The following KPNA1 variants were observed in gnomAD, a reference collection of about 807,000 sequenced individuals.
KPNA1 encodes the protein karyopherin subunit alpha 1, also known as importin subunit alpha-5.
A neutral mutation model predicts 70.5 loss-of-function variants in KPNA1; 10 were observed. The ratio of observed to expected loss-of-function variants is 0.14; its 90% confidence interval spans 0.09 to 0.24. The LOEUF is 0.24. Among genes scored for constraint, KPNA1 ranks in the 10% least tolerant of loss-of-function variants. The pLI, the probability that KPNA1 is intolerant of heterozygous loss-of-function variation, is 1.00. For synonymous variants in KPNA1, 192 were observed against 221.9 expected (o/e 0.87, Z 1.20); for missense variants, 397 against 637.9 (o/e 0.62, Z 4.07).
intron 1 of KPNA1, among the ~76,000 whole-genome samples, chr3:122,502,155 G>C (rs561009507): frequency 2.9e-4 from 44 of 152,244 alleles, no homozygotes; most frequent in Non-Finnish European, 4.4e-5. Flanking sequence ...GGAATCAGAA[G>C]GCTCACAGAG....
At chr3:122,443,616 A>G (rs1240397336) in intron 9 of KPNA1, among the ~76,000 whole-genome samples, 1 of 152,198 alleles carries the variant, frequency 6.6e-6, no homozygotes, top group Non-Finnish European at 1.5e-5. Flanking sequence ...ATAAAGAGAA[A>G]GAGTACAAAA....
intron 1 of KPNA1, among the ~76,000 whole-genome samples, chr3:122,510,432 C>G (rs2076942394): frequency 1.3e-5 from 2 of 152,012 alleles, no homozygotes; most frequent in Admixed American, 1.3e-4. Flanking sequence ...AAGCAAACAA[C>G]AACAAAAAAT....
At chr3:122,483,907 T>C (rs1339238144) in intron 2 of KPNA1, among the ~76,000 whole-genome samples, 1 of 152,222 alleles carries the variant, frequency 6.6e-6, no homozygotes, top group African/African-American at 2.4e-5. Context: ...AATGGCAATA[T>C]GGAATCACAG....
In KPNA1 at chr3:122,449,682, A is replaced by AC; in HGVS notation, c.808dup (p.Val270GlyfsTer4). 6.2e-7 allele frequency: 1 copy of AC among 1,613,894 alleles called. No individual in the cohort carries two copies. The highest frequency in any genetic ancestry group is 8.5e-7 in the Non-Finnish European group (1 of 1,179,870). ...GAGGGCCCAGCAGGCATCAGCCAGT[A>AC]CATCAGTGTCACTGACAAACAGCAA... On this transcript the variant is annotated frameshift_variant, in exon 9 of 14. Coordinates refer to ENST00000344337, the MANE Select transcript of KPNA1 (RefSeq NM_002264.4). LOFTEE classifies it high-confidence loss of function.
chr3:122,491,299 G>C (rs2076695264), intron 2 of KPNA1, among the ~76,000 whole-genome samples: 1 of 152,102 alleles, frequency 6.6e-6, no homozygotes, highest in Non-Finnish European at 1.5e-5. Flanking sequence ...AAGTACTACA[G>C]GTCATGAAAA....
Position 122,452,851 on chromosome 3 carries a change from GAGAC to G in KPNA1, c.565-791_565-788del, listed in dbSNP as rs567591833. On this transcript the variant is annotated intron_variant, in intron 6 of 13. Transcript: ENST00000344337. ...AGAGAGAAAGACAGAAAGAAAAAAA[GAGAC>G]AGAAAGAGAGTATTTTCTTGCTTAC... 2.6e-3 allele frequency among the ~76,000 whole-genome samples: 397 copies of G among 152,246 alleles called. 3 individuals are homozygous for G. Among genetic ancestry groups the G allele is most frequent in the African/African-American group, 7.1e-3 (293 of 41,546 alleles).
intron 2 of KPNA1, among the ~76,000 whole-genome samples, chr3:122,473,522 C>A (rs1158170297): frequency 2.0e-5 from 3 of 152,100 alleles, no homozygotes; most frequent in African/African-American, 7.2e-5. Flanking sequence ...GAATCATATA[C>A]CATGATCAAG....
intron 10 of KPNA1, among the ~76,000 whole-genome samples, chr3:122,438,310 G>A (rs991681616): frequency 3.3e-5 from 5 of 151,880 alleles, no homozygotes; most frequent in East Asian, 1.9e-4. Flanking sequence ...TACTATATGC[G>A]TCCTGTATGG....
intron 2 of KPNA1, among the ~76,000 whole-genome samples, chr3:122,467,993 G>C (rs934757043): frequency 6.6e-6 from 1 of 152,162 alleles, no homozygotes; most frequent in East Asian, 1.9e-4. Context: ...GTCAGCCAAC[G>C]AGGGTGATTA....
chr3:122,487,431 A>G (rs182966152), intron 2 of KPNA1, among the ~76,000 whole-genome samples: 340 of 152,368 alleles, frequency 2.2e-3, no homozygotes, highest in African/African-American at 7.4e-3. Flanking sequence ...AAGAATTCAA[A>G]ACAGAATATC....
intron 9 of KPNA1, among the ~76,000 whole-genome samples, chr3:122,448,581 T>G (rs2076165940): frequency 6.6e-6 from 1 of 151,892 alleles, no homozygotes; most frequent in Admixed American, 6.6e-5. Flanking sequence ...CATCACACAC[T>G]GGGGCCTGTC....
intron 2 of KPNA1, among the ~76,000 whole-genome samples, chr3:122,486,056 T>C (rs1454009741): frequency 6.6e-6 from 1 of 152,152 alleles, no homozygotes; most frequent in Admixed American, 6.6e-5. Flanking sequence ...TACAACCTAT[T>C]TTGGCAAACA....
rs1364589898 is a variant in KPNA1 at position 122,422,709 on chromosome 3, T to C, written c.*4276A>G. ...GGGGCAAAGTAATTTCTCGTAAGTC[T>C]TCACTTTGTCATCTATAATATAGTG... On this transcript the variant is annotated 3_prime_UTR_variant, in exon 14 of 14. Transcript: ENST00000344337. The C allele has an allele frequency of 6.6e-6, 1 of 152,246 alleles. No homozygotes were observed. Among genetic ancestry groups the C allele is most frequent in the African/African-American group, 2.4e-5 (1 of 41,464 alleles). The allele number at this position is 152,246 out of a possible 1,614,324, so 9.4% of individuals were successfully genotyped here. A position where few individuals can be genotyped will look rare whatever the true frequency, so the allele number is the denominator to read the frequency against.
intron 1 of KPNA1, among the ~76,000 whole-genome samples, chr3:122,499,076 C>A (rs1003238769): frequency 6.6e-6 from 1 of 152,162 alleles, no homozygotes; most frequent in South Asian, 2.1e-4. Context: ...TTGTATTTTA[C>A]AATCCTGCTG....
Position 122,425,007 on chromosome 3 carries a change from C to T in KPNA1, c.*1978G>A, listed in dbSNP as rs1026409695. The T allele has an allele frequency of 2.0e-5, 3 of 152,742 alleles. No individual in the cohort carries two copies. Among genetic ancestry groups the T allele is most frequent in the East Asian group, 3.9e-4 (2 of 5,184 alleles). The allele number at this position is 152,742 out of a possible 1,614,324, so 9.5% of individuals were successfully genotyped here. A position where few individuals can be genotyped will look rare whatever the true frequency, so the allele number is the denominator to read the frequency against. On this transcript the variant is annotated 3_prime_UTR_variant, in exon 14 of 14. Transcript: ENST00000344337. ...GTCAAGTGCAGTAAACTAAAATGTT[C>T]TCTCAGCACAAAGCAGCACTAGAAA...
intron 2 of KPNA1, among the ~76,000 whole-genome samples, chr3:122,472,923 A>G (rs2076458540): frequency 1.3e-5 from 2 of 152,182 alleles, no homozygotes; most frequent in Non-Finnish European, 2.9e-5. Context: ...TCCACTAAAA[A>G]TATGAAAATT....
chr3:122,449,794 T>A, intron 8 of KPNA1, 57 bp from the exon 9 acceptor site: 44 of 1,434,640 alleles, frequency 3.1e-5, no homozygotes, highest in Non-Finnish European at 4.0e-5. Flanking sequence ...AGAAGTGAGG[T>A]GAGATACTCA....
Position 122,424,982 on chromosome 3 carries a change from G to A in KPNA1, c.*2003C>T, listed in dbSNP as rs1003099685. ...ATTACAAAGAATCAGTCTTTTACAGGTCAAGTGCAGTAAACTAAAATGTTC... is the reference window on the plus strand; with the variant it reads ...ATTACAAAGAATCAGTCTTTTACAGATCAAGTGCAGTAAACTAAAATGTTC... On this transcript the variant is annotated 3_prime_UTR_variant, in exon 14 of 14. Transcript: ENST00000344337. 1 of 152,632 alleles carries A rather than the reference G, an allele frequency of 6.6e-6. No individual in the cohort carries two copies. Among genetic ancestry groups the A allele is most frequent in the East Asian group, 1.9e-4 (1 of 5,184 alleles). 9.5% of individuals were successfully genotyped at this position (152,632 alleles called of 1,614,324 possible). A position where few individuals can be genotyped will look rare whatever the true frequency, so the allele number is the denominator to read the frequency against.
At chr3:122,503,637 T>C (rs1288225603) in intron 1 of KPNA1, among the ~76,000 whole-genome samples, 1 of 152,216 alleles carries the variant, frequency 6.6e-6, no homozygotes, top group East Asian at 1.9e-4. Context: ...AAAAGCATAC[T>C]TCCCACTGTC....
Sources: gnomAD v4.1 joint callset for allele counts (sites outside exome capture counted in the v4.1 genomes callset) on GRCh38, gnomAD v4.1.1 for gene constraint, MANE v1.5 for transcripts, NCBI Gene and HGNC (gene_info 2026-07-23, HGNC 2026-07-21) for gene names.